Variants in MYCBP2 observed in about 807,000 individuals in gnomAD.
MYCBP2 encodes the protein E3 ubiquitin-protein ligase MYCBP2.
A neutral mutation model predicts 525.3 loss-of-function variants in MYCBP2; 120 were observed. The observed-to-expected ratio is 0.23, with a 90% confidence interval of 0.20 to 0.27. The LOEUF (loss-of-function observed/expected upper bound fraction) is 0.27. Among genes scored for constraint, MYCBP2 ranks in the 10% least tolerant of loss-of-function variants. The probability of loss-of-function intolerance (pLI) is 1.00; values close to 1 mark genes in which losing one functional copy is unlikely to be tolerated. For missense variants in MYCBP2, 4,149 were observed against 5,657.1 expected (o/e 0.73, Z 8.55); for synonymous variants, 1,894 against 1,955.8 (o/e 0.97, Z 0.83).
chr13:77,119,451 C>T (rs553822154), intron 55 of MYCBP2, among the ~76,000 whole-genome samples: 17 of 151,766 alleles, frequency 1.1e-4, no homozygotes, highest in Middle Eastern at 3.4e-3. Context: ...TGTACACGAG[C>T]CATATATCTT....
At chr13:77,152,425 TAGG>T (rs1424444393) in intron 46 of MYCBP2, among the ~76,000 whole-genome samples, 2 of 152,214 alleles carry the variant, frequency 1.3e-5, no homozygotes, top group Non-Finnish European at 2.9e-5. Context: ...ATATACTGGA[TAGG>T]AGAAGGTGGT....
intron 17 of MYCBP2, among the ~76,000 whole-genome samples, chr13:77,239,035 G>A (rs1366340355): frequency 4.6e-5 from 7 of 152,096 alleles, no homozygotes; most frequent in African/African-American, 9.7e-5. Context: ...CAGGAGAATC[G>A]CTTGAAACCG....
chr13:77,211,363 C>A (rs2063983524), intron 22 of MYCBP2, 43 bp from the exon 23 acceptor site: 2 of 1,038,414 alleles, frequency 1.9e-6, no homozygotes, highest in South Asian at 8.9e-5. Context: ...TATATATTAC[C>A]CTTTTAAATT....
intron 52 of MYCBP2, among the ~76,000 whole-genome samples, chr13:77,128,276 C>T (rs938635366): frequency 6.6e-6 from 1 of 151,778 alleles, no homozygotes; most frequent in Non-Finnish European, 1.5e-5. Context: ...ATACATCATG[C>T]CATTTCATAG....
intron 34 of MYCBP2, among the ~76,000 whole-genome samples, chr13:77,179,408 A>C (rs961843198): frequency 6.6e-6 from 1 of 152,196 alleles, no homozygotes; most frequent in African/African-American, 2.4e-5. Flanking sequence ...CCCCAAATTC[A>C]GTCAAAACAT....
At chr13:77,055,500 C>T (rs2037774877) in intron 80 of MYCBP2, 58 bp downstream of exon 80, 17 of 1,401,806 alleles carry the variant, frequency 1.2e-5, no homozygotes, top group Non-Finnish European at 1.7e-5. Flanking sequence ...AATTTGAATT[C>T]TTAATCATAT....
intron 47 of MYCBP2, among the ~76,000 whole-genome samples, chr13:77,147,967 T>A (rs2055873659): frequency 1.3e-5 from 2 of 152,094 alleles, no homozygotes; most frequent in African/African-American, 4.8e-5. Context: ...AGAACATGTT[T>A]GAAATATTGC....
chr13:77,144,422 G>T, intron 49 of MYCBP2, 23 bp downstream of exon 49: 2 of 1,494,144 alleles, frequency 1.3e-6, no homozygotes, highest in Non-Finnish European at 1.9e-6. Context: ...GTAAGTAGTA[G>T]CTCATGGCTT....
In MYCBP2 at chr13:77,125,348, G is replaced by A. The variant is rs1274577968; in HGVS notation, c.8005C>T (p.Arg2669Ter). The A allele has an allele frequency of 6.2e-7, 1 of 1,613,440 alleles. No individual in the cohort carries two copies. Among genetic ancestry groups the A allele is most frequent in the Non-Finnish European group, 8.5e-7 (1 of 1,179,666 alleles). Residue 2669 changes from arginine to a stop codon, truncating the protein, a stop_gained, in exon 54 of 83, where the codon CGA becomes TGA. Transcript: ENST00000544440. LOFTEE classifies it high-confidence loss of function. ...TAAGCCAACTTGCCATCTTCATGTCGGAGGTACTGGTTTCCGCCTCTGTCT... is the reference window on the plus strand; with the variant it reads ...TAAGCCAACTTGCCATCTTCATGTCAGAGGTACTGGTTTCCGCCTCTGTCT... ...ARDRGGNQYL[R>*]HEDEQALLDQ...
chr13:77,219,015 GA>G (rs1342613458), intron 20 of MYCBP2, among the ~76,000 whole-genome samples: 1 of 152,106 alleles, frequency 6.6e-6, no homozygotes, highest in Non-Finnish European at 1.5e-5. Flanking sequence ...GGGCAAGGAA[GA>G]TTTTTTTTGC....
At chr13:77,120,936 T>C (rs904863422) in intron 55 of MYCBP2, among the ~76,000 whole-genome samples, 1 of 152,162 alleles carries the variant, frequency 6.6e-6, no homozygotes, top group Non-Finnish European at 1.5e-5. Flanking sequence ...ACATAAATTT[T>C]ATAAAGCTCA....
At chr13:77,268,418 TGATGA>T (rs957153481) in intron 7 of MYCBP2, among the ~76,000 whole-genome samples, 35 of 152,318 alleles carry the variant, frequency 2.3e-4, no homozygotes, top group Admixed American at 1.9e-3. Flanking sequence ...AATAAAAATC[TGATGA>T]GATATTTTAA....
chr13:77,059,464 A>T, intron 77 of MYCBP2, 59 bp downstream of exon 77: 1 of 1,253,326 alleles, frequency 8.0e-7, no homozygotes, highest in Non-Finnish European at 1.2e-6. Context: ...TTCTGTATGA[A>T]GTAAAGGTGT....
In MYCBP2 at chr13:77,243,127, T is replaced by C. The variant is rs1347722108; in HGVS notation, c.2561A>G (p.His854Arg). The stretch of plus-strand genomic sequence containing the variant: ...TTTTTCTTCTTGTCGTAACTGAAGG[T>C]GTTCTTCAATGTTAACCCCGGGCAC... ...VPVPGVNIEEHLQLRQEEKRQ... is the reference protein window; with the variant it reads ...VPVPGVNIEERLQLRQEEKRQ... Residue 854 changes from histidine (H) to arginine (R), a missense_variant, in exon 17 of 83, where the codon CAC becomes CGC. His to Arg is a conservative substitution (Grantham distance 29, BLOSUM62 0). This residue lies in a region of MYCBP2 where 620 missense variants were observed against 795.5 expected (regional missense o/e 0.78). Transcript: ENST00000544440. 2.5e-6 allele frequency: 4 copies of C among 1,614,098 alleles called. No individual in the cohort carries two copies. The East Asian group carries it at 8.9e-5, about 36-fold the overall frequency.
At chr13:77,185,455 T>C in intron 31 of MYCBP2, 78 bp from the exon 32 acceptor site, 1 of 1,399,348 alleles carries the variant, frequency 7.1e-7, no homozygotes, top group Non-Finnish European at 9.8e-7. Flanking sequence ...AATTCAGTAA[T>C]TCCCTATACA....
At chr13:77,307,540 C>A (rs539677483) in intron 1 of MYCBP2, among the ~76,000 whole-genome samples, 1 of 142,220 alleles carries the variant, frequency 7.0e-6, no homozygotes, top group Non-Finnish European at 1.5e-5. Flanking sequence ...GTGGGAAGAT[C>A]GCTTTGGTCC....
chr13:77,177,627 C>A (rs2059837626), intron 35 of MYCBP2, 121 bp downstream of exon 35: 1 of 830,084 alleles, frequency 1.2e-6, no homozygotes, highest in Non-Finnish European at 1.9e-6. Context: ...CAGTCTTTTT[C>A]AATTTCTTTA....
chr13:77,291,704 T>C (rs1356947445), intron 2 of MYCBP2, among the ~76,000 whole-genome samples: 1 of 151,738 alleles, frequency 6.6e-6, no homozygotes, highest in Non-Finnish European at 1.5e-5. Context: ...GAGGCGGAGG[T>C]TGCAATGAGC....
chr13:77,143,882 T>C (rs2055087460), intron 49 of MYCBP2, among the ~76,000 whole-genome samples: 1 of 152,178 alleles, frequency 6.6e-6, no homozygotes, highest in Admixed American at 6.5e-5. Context: ...TCTAAACATA[T>C]CTAAGCATAG....
Sources: gnomAD v4.1 joint callset for allele counts (sites outside exome capture counted in the v4.1 genomes callset) on GRCh38, gnomAD v4.1.1 for gene constraint, gnomAD v4.1.1 regional missense constraint, MANE v1.5 for transcripts, NCBI Gene and HGNC (gene_info 2026-07-23, HGNC 2026-07-21) for gene names.